SDK1: variants seen among roughly 807,000 people sequenced by gnomAD.
SDK1 encodes the protein protein sidekick-1.
Under a neutral mutation model 245.5 loss-of-function variants are expected in SDK1, and 157 were observed. The ratio of observed to expected loss-of-function variants is 0.64; its 90% CI spans 0.56 to 0.73. The LOEUF (loss-of-function observed/expected upper bound fraction) is 0.73. Among genes scored for constraint, SDK1 ranks in the 30% least tolerant of loss-of-function variants. The pLI, the probability that SDK1 is intolerant of heterozygous loss-of-function variation, is 0.00. For missense variants in SDK1, 3,583 were observed against 3,002.3 expected (o/e 1.19, Z -4.52); for synonymous variants, 1,647 against 1,278.5 (o/e 1.29, Z -6.15).
At chr7:3,659,790 CT>C (rs1255333023) in intron 4 of SDK1, among the ~76,000 whole-genome samples, 1 of 152,206 alleles carries the variant, frequency 6.6e-6, no homozygotes, top group Non-Finnish European at 1.5e-5. Context: ...GCAAGGGGGA[CT>C]GGCAGCCCAG....
intron 29 of SDK1, among the ~76,000 whole-genome samples, chr7:4,148,255 G>A (rs903511858): frequency 1.3e-5 from 2 of 152,222 alleles, no homozygotes; most frequent in African/African-American, 4.8e-5. Flanking sequence ...ACTGGGGGCC[G>A]ACAATCAATT....
intron 19 of SDK1, among the ~76,000 whole-genome samples, chr7:4,052,175 C>A (rs1012433246): frequency 4.0e-4 from 59 of 147,308 alleles, no homozygotes; most frequent in Middle Eastern, 3.4e-3. Context: ...TGATCCCCCC[C>A]CCCCCGACGT....
intron 5 of SDK1, among the ~76,000 whole-genome samples, chr7:3,902,651 A>G (rs925414934): frequency 6.6e-6 from 1 of 152,208 alleles, no homozygotes; most frequent in Admixed American, 6.5e-5. Context: ...TGGATATATA[A>G]ACTGTTAGTA....
At chr7:3,742,825 G>A (rs1779514389) in intron 4 of SDK1, among the ~76,000 whole-genome samples, 2 of 152,118 alleles carry the variant, frequency 1.3e-5, no homozygotes, top group South Asian at 4.2e-4. Context: ...TGTCCTTTTG[G>A]ATAGAGGTCG....
intron 1 of SDK1, among the ~76,000 whole-genome samples, chr7:3,364,848 A>G (rs773634685): frequency 1.3e-5 from 2 of 152,172 alleles, no homozygotes; most frequent in African/African-American, 4.8e-5. Flanking sequence ...ATTGCATCAA[A>G]TCTTTGGAAG....
At chr7:3,568,586 C>T (rs1780001561) in intron 1 of SDK1, among the ~76,000 whole-genome samples, 1 of 152,144 alleles carries the variant, frequency 6.6e-6, no homozygotes, top group Non-Finnish European at 1.5e-5. Flanking sequence ...AAAATGTCTC[C>T]AAGGTTATTG....
rs948754238 is a variant in SDK1 at position 4,193,113 on chromosome 7, TAA to T, written c.5099-12763_5099-12762del. On this transcript the variant is annotated intron_variant, in intron 35 of 44. Transcript: ENST00000404826. ...AAATGTATATATAATATAAATATAT[TAA>T]AATATATATAATATATAAATATATT... is the stretch of plus-strand genomic sequence containing the variant. Among the ~76,000 whole-genome samples the T allele has an allele frequency of 4.5e-3, 607 of 134,432 alleles. 5 individuals are homozygous for T. Among genetic ancestry groups the T allele is most frequent in the African/African-American group, 0.016 (572 of 35,758 alleles). The allele number at this position is 134,432 out of a possible 152,430, so 88.2% of individuals were successfully genotyped here.
In SDK1 at chr7:4,019,562, A is replaced by C. The variant is rs1434693014; in HGVS notation, c.2602+2210A>C. 2.6e-5 allele frequency among the ~76,000 whole-genome samples: 4 copies of C among 152,096 alleles called. No homozygotes were observed. The East Asian group carries it at 7.7e-4, about 29-fold the overall frequency. On this transcript the variant is annotated intron_variant, in intron 17 of 44. Coordinates refer to ENST00000404826, the MANE Select transcript of SDK1 (RefSeq NM_152744.4). ...AATGAACTTTTTCCCATATGTGATG[A>C]GAACCTGACTTCGATTGGTCCAAAT...
At chr7:3,745,503 A>T (rs532697457) in intron 4 of SDK1, among the ~76,000 whole-genome samples, 1 of 151,920 alleles carries the variant, frequency 6.6e-6, no homozygotes, top group South Asian at 2.1e-4. Context: ...AACGTTACTC[A>T]GTTTTCACTG....
At chr7:3,556,901 G>C (rs1779604883) in intron 1 of SDK1, among the ~76,000 whole-genome samples, 1 of 152,080 alleles carries the variant, frequency 6.6e-6, no homozygotes, top group African/African-American at 2.4e-5. Context: ...CGTTTACCCT[G>C]ATGTGATTAT....
chr7:4,056,362 CCA>C (rs1779195486), intron 19 of SDK1, among the ~76,000 whole-genome samples: 1 of 152,018 alleles, frequency 6.6e-6, no homozygotes, highest in Non-Finnish European at 1.5e-5. Context: ...GGCCAGCTGA[CCA>C]CAGTCACCTG....
intron 1 of SDK1, among the ~76,000 whole-genome samples, chr7:3,439,535 T>A (rs1780133002): frequency 6.6e-6 from 1 of 152,202 alleles, no homozygotes; most frequent in Non-Finnish European, 1.5e-5. Context: ...GATTGCAACA[T>A]ACTACTCATT....
Position 3,419,284 on chromosome 7 carries a change from T to G in SDK1, c.298+117400T>G, listed in dbSNP as rs1228381795. Among the ~76,000 whole-genome samples the G allele has an allele frequency of 2.0e-5, 3 of 152,210 alleles. No individual in the cohort carries two copies. The East Asian group carries it at 5.8e-4, about 29-fold the overall frequency. On this transcript the variant is annotated intron_variant, in intron 1 of 44. Coordinates refer to ENST00000404826, the MANE Select transcript of SDK1 (RefSeq NM_152744.4). ...GCATTTGAACCTAGGCATCCTGGCT[T>G]CAGAATCCATGTTCTTCCCTTTTAG...
chr7:3,434,152 AT>A (rs1222035400), intron 1 of SDK1, among the ~76,000 whole-genome samples: 9 of 151,566 alleles, frequency 5.9e-5, no homozygotes, highest in East Asian at 3.9e-4. Flanking sequence ...TTTTGTGATG[AT>A]TTTTTTTTCC....
At chr7:4,107,179 C>A (rs1446474920) in intron 22 of SDK1, among the ~76,000 whole-genome samples, 3 of 147,802 alleles carry the variant, frequency 2.0e-5, no homozygotes, top group African/African-American at 7.4e-5. Flanking sequence ...CAGGGGCCAA[C>A]CAGAGGAAGG....
chr7:3,829,616 G>C (rs576967953), intron 5 of SDK1, among the ~76,000 whole-genome samples: 1 of 152,144 alleles, frequency 6.6e-6, no homozygotes, highest in African/African-American at 2.4e-5. Context: ...ATATACCATG[G>C]AGGCTGGGTG....
intron 1 of SDK1, among the ~76,000 whole-genome samples, chr7:3,508,288 C>G (rs551337868): frequency 6.6e-6 from 1 of 150,496 alleles, no homozygotes; most frequent in Non-Finnish European, 1.5e-5. Flanking sequence ...AATCATTACT[C>G]TTTCCTCTCT....
chr7:4,268,347 G>C lies in SDK1; in HGVS notation c.*2963G>C. On this transcript the variant is annotated 3_prime_UTR_variant, in exon 45 of 45. Coordinates refer to ENST00000404826, the MANE Select transcript of SDK1 (RefSeq NM_152744.4). ...CAGGTGAGCCCAGAGAGAGCTGCCA[G>C]GCCACACCCCCTCGGCCTCCTGCAC... is the stretch of plus-strand genomic sequence containing the variant. The C allele has an allele frequency of 1.9e-6, 2 of 1,049,220 alleles. No individual in the cohort carries two copies. The highest frequency in any genetic ancestry group is 2.3e-6 in the Non-Finnish European group (2 of 866,536). The allele number at this position is 1,049,220 out of a possible 1,614,324, so 65.0% of individuals were successfully genotyped here.
chr7:3,491,039 A>G (rs1781849642), intron 1 of SDK1, among the ~76,000 whole-genome samples: 3 of 152,222 alleles, frequency 2.0e-5, no homozygotes, highest in South Asian at 2.1e-4. Context: ...CATTTACTCT[A>G]GTCTTCACAG....
Sources: gnomAD v4.1 joint callset for allele counts (sites outside exome capture counted in the v4.1 genomes callset) on GRCh38, gnomAD v4.1.1 for gene constraint, MANE v1.5 for transcripts, NCBI Gene and HGNC (gene_info 2026-07-23, HGNC 2026-07-21) for gene names.